CTNNA3: variants seen among roughly 807,000 people sequenced by gnomAD.
The protein encoded by CTNNA3 is catenin alpha 3.
CTNNA3 carries 76 observed loss-of-function variants against 95.7 expected under a neutral mutation model. The ratio of observed to expected loss-of-function variants is 0.79; its 90% CI spans 0.66 to 0.96. The LOEUF is 0.96. Among genes scored for constraint, CTNNA3 ranks in the 40% least tolerant of loss-of-function variants. The probability of loss-of-function intolerance (pLI) is 0.00; values close to 1 mark genes in which losing one functional copy is unlikely to be tolerated. For missense variants in CTNNA3, 1,191 were observed against 1,089.8 expected, an observed-to-expected ratio of 1.09 and a Z score of -1.31; for synonymous variants, 431 against 374.4, an observed-to-expected ratio of 1.15 and a Z score of -1.74.
Position 66,715,862 on chromosome 10 carries a change from G to T in CTNNA3, c.1281+50402C>A, listed in dbSNP as rs1370606320. On this transcript the variant is annotated intron_variant, in intron 9 of 17. Transcript: ENST00000433211. ...ATTTAAAATAAAATGAAATTGTATT[G>T]AAGTTAGAAAATTCAAATATATTTC... Among the ~76,000 whole-genome samples the T allele has an allele frequency of 4.0e-5, 6 of 151,752 alleles. 1 individual carries two copies. Among genetic ancestry groups the T allele is most frequent in the African/African-American group, 1.5e-4 (6 of 41,354 alleles).
intron 7 of CTNNA3, among the ~76,000 whole-genome samples, chr10:66,913,218 G>T (rs1363708223): frequency 9.7e-6 from 1 of 103,320 alleles, no homozygotes; most frequent in Admixed American, 1.6e-4. Context: ...CGGCCTGGGC[G>T]AAAGAGCGAG....
intron 13 of CTNNA3, among the ~76,000 whole-genome samples, chr10:66,248,597 C>T (rs908766082): frequency 5.9e-5 from 9 of 151,894 alleles, no homozygotes; most frequent in African/African-American, 1.9e-4. Flanking sequence ...AGTTGCTATA[C>T]TTATATGAGA....
chr10:65,923,284 AG>A (rs1348789463), intron 17 of CTNNA3, among the ~76,000 whole-genome samples: 1 of 152,238 alleles, frequency 6.6e-6, no homozygotes, highest in Non-Finnish European at 1.5e-5. Context: ...TTTAACTTAT[AG>A]GTGCCATTTG....
At chr10:66,938,024 C>G (rs1392485734) in intron 7 of CTNNA3, among the ~76,000 whole-genome samples, 1 of 151,962 alleles carries the variant, frequency 6.6e-6, no homozygotes, top group East Asian at 1.9e-4. Flanking sequence ...CTGATACAGT[C>G]TTTTATGCAT....
At chr10:66,753,079 C>G (rs1042358489) in intron 9 of CTNNA3, among the ~76,000 whole-genome samples, 8 of 152,194 alleles carry the variant, frequency 5.3e-5, no homozygotes, top group African/African-American at 1.9e-4. Context: ...GCTACCTACT[C>G]ATTCCTTCTG....
At chr10:67,118,985 A>C (rs1859334236) in intron 7 of CTNNA3, among the ~76,000 whole-genome samples, 1 of 152,010 alleles carries the variant, frequency 6.6e-6, no homozygotes, top group African/African-American at 2.4e-5. Flanking sequence ...TATGAAATAT[A>C]ACTTAGATAC....
intron 13 of CTNNA3, among the ~76,000 whole-genome samples, chr10:66,268,417 C>A (rs1042240207): frequency 1.3e-5 from 2 of 152,154 alleles, no homozygotes; most frequent in African/African-American, 4.8e-5. Context: ...AAAAGCCCGA[C>A]TATCCAGTGG....
At chr10:66,429,080 C>T (rs1480196567) in intron 11 of CTNNA3, among the ~76,000 whole-genome samples, 4 of 151,620 alleles carry the variant, frequency 2.6e-5, no homozygotes, top group African/African-American at 7.3e-5. Flanking sequence ...ATATCACCAC[C>T]GATCCCACAG....
intron 11 of CTNNA3, among the ~76,000 whole-genome samples, chr10:66,479,059 T>C (rs1271396013): frequency 6.6e-6 from 1 of 151,924 alleles, no homozygotes; most frequent in African/African-American, 2.4e-5. Context: ...TAGATCTTTA[T>C]GTAGAATTCG....
At chr10:66,113,641 A>G (rs1398111157) in intron 13 of CTNNA3, among the ~76,000 whole-genome samples, 1 of 152,212 alleles carries the variant, frequency 6.6e-6, no homozygotes, top group Non-Finnish European at 1.5e-5. Flanking sequence ...AATTTCAGTC[A>G]TTTTTATTAA....
At chr10:66,080,822 A>G (rs1157490134) in intron 14 of CTNNA3, among the ~76,000 whole-genome samples, 1 of 152,150 alleles carries the variant, frequency 6.6e-6, no homozygotes, top group African/African-American at 2.4e-5. Context: ...TGTTTGCTAA[A>G]TGGTACTTAC....
In CTNNA3 at chr10:67,234,140, G is replaced by A. The variant is rs563065133; in HGVS notation, c.580-14270C>T. On this transcript the variant is annotated intron_variant, in intron 5 of 17. Transcript: ENST00000433211. ...ACTATTCCAATCAATAGAAAAAGAG[G>A]GAATCCTCCCTAACTCATTTTATGA... 2.6e-5 allele frequency among the ~76,000 whole-genome samples: 4 copies of A among 152,214 alleles called. No individual in the cohort carries two copies. In the South Asian group the frequency reaches 6.2e-4, roughly 24 times the overall value.
intron 11 of CTNNA3, among the ~76,000 whole-genome samples, chr10:66,520,245 C>CTTTTTTTTT (rs543882241): frequency 1.4e-4 from 11 of 78,066 alleles, no homozygotes; most frequent in East Asian, 8.1e-4. Flanking sequence ...TAGTATTATT[C>CTTTTTTTTT]TTTTTTTTTT....
chr10:67,642,719 A>C (rs1440383069), intron 2 of CTNNA3, among the ~76,000 whole-genome samples: 2 of 151,944 alleles, frequency 1.3e-5, no homozygotes, highest in Non-Finnish European at 2.9e-5. Flanking sequence ...TCTGTCTCAA[A>C]AAAAAAAAGT....
chr10:67,319,448 A>G (rs968716245), intron 5 of CTNNA3, among the ~76,000 whole-genome samples: 2 of 152,210 alleles, frequency 1.3e-5, no homozygotes, highest in African/African-American at 4.8e-5. Context: ...CCTAGCACAT[A>G]AAAGGTGCTT....
intron 1 of CTNNA3, among the ~76,000 whole-genome samples, chr10:67,746,240 C>G (rs1316116924): frequency 6.6e-6 from 1 of 152,102 alleles, no homozygotes; most frequent in African/African-American, 2.4e-5. Flanking sequence ...ACCAGTGGAA[C>G]AGCATAGAGA....
chr10:66,990,834 T>C (rs1851000308), intron 7 of CTNNA3, among the ~76,000 whole-genome samples: 1 of 152,188 alleles, frequency 6.6e-6, no homozygotes, highest in Admixed American at 6.5e-5. Flanking sequence ...TTCAAGGAAG[T>C]AAAATTTCAC....
At chr10:66,716,558 T>C (rs1848455990) in intron 9 of CTNNA3, among the ~76,000 whole-genome samples, 2 of 152,104 alleles carry the variant, frequency 1.3e-5, no homozygotes, top group Admixed American at 6.6e-5. Context: ...CGAGAGTGAA[T>C]GTTTAGAGTT....
chr10:66,199,698 TTCAA>T (rs2087200084), intron 13 of CTNNA3, among the ~76,000 whole-genome samples: 1 of 139,570 alleles, frequency 7.2e-6, no homozygotes, highest in Non-Finnish European at 1.5e-5. Flanking sequence ...GCCTCCCGGG[TTCAA>T]GTGATTCTCC....
Sources: allele counts gnomAD v4.1 joint callset (sites outside exome capture counted in the v4.1 genomes callset), GRCh38; gene constraint gnomAD v4.1.1; transcripts MANE v1.5; gene names NCBI Gene and HGNC (gene_info 2026-07-23, HGNC 2026-07-21).